Variants in MEMO1 observed in about 807,000 individuals in gnomAD.
MEMO1 encodes mediator of cell motility 1, also known as protein MEMO1.
A neutral mutation model predicts 45.2 loss-of-function variants in MEMO1; 6 were observed. The observed-to-expected ratio is 0.13, with a 90% CI of 0.07 to 0.26. The LOEUF (loss-of-function observed/expected upper bound fraction) is 0.26. Among genes scored for constraint, MEMO1 ranks in the 10% least tolerant of loss-of-function variants. The probability of loss-of-function intolerance (pLI) is 1.00; values close to 1 mark genes in which losing one functional copy is unlikely to be tolerated. For missense variants in MEMO1, 184 were observed against 370.5 expected, an observed-to-expected ratio of 0.50 and a Z score of 4.13; for synonymous variants, 78 against 124.3, an observed-to-expected ratio of 0.63 and a Z score of 2.48.
chr2:31,951,517 G>GT (rs201608134), intron 2 of MEMO1, among the ~76,000 whole-genome samples: 17,464 of 138,984 alleles, frequency 0.13, 1,084 homozygotes, highest in Middle Eastern at 0.21. Flanking sequence ...TCACTTAATG[G>GT]TTTTTTTTTT....
chr2:31,926,158 G>C (rs1484843766), intron 4 of MEMO1, among the ~76,000 whole-genome samples: 1 of 152,030 alleles, frequency 6.6e-6, no homozygotes, highest in Non-Finnish European at 1.5e-5. Context: ...CTTGAGGCCA[G>C]GAGTTCAAGA....
intron 3 of MEMO1, among the ~76,000 whole-genome samples, chr2:31,940,813 G>GT (rs1665523331): frequency 6.6e-6 from 1 of 152,144 alleles, no homozygotes; most frequent in African/African-American, 2.4e-5. Context: ...GATTACAGGC[G>GT]TGAGTCACTG....
At chr2:31,921,630 CCTT>C (rs1378816693) in intron 4 of MEMO1, among the ~76,000 whole-genome samples, 2 of 152,196 alleles carry the variant, frequency 1.3e-5, no homozygotes, top group African/African-American at 4.8e-5. Context: ...TCTAAAATAA[CCTT>C]CTAAGATCCA....
Position 31,895,003 on chromosome 2 carries a change from T to C in MEMO1, c.438-2869A>G, listed in dbSNP as rs160795. Among the ~76,000 whole-genome samples the C allele has an allele frequency of 1.1e-3, 173 of 152,212 alleles. 1 individual carries two copies. The highest frequency in any genetic ancestry group is 4.1e-3 in the African/African-American group (169 of 41,534). On this transcript the variant is annotated intron_variant, in intron 6 of 9. Transcript: ENST00000404530. ...ATTAAGGAATTGCAGGTGGGAACCC[T>C]ACAAAGCCAAGCTTAAAATTAAAAA...
rs1158963654 is a variant in MEMO1, at chr2:31,955,608, C to CT, written c.62-12226dup. Among the ~76,000 whole-genome samples, 28 of 151,496 alleles carry CT rather than the reference C, an allele frequency of 1.8e-4. 1 individual carries two copies. The East Asian group carries it at 3.5e-3, about 19-fold the overall frequency. On this transcript the variant is annotated intron_variant, in intron 2 of 9. Transcript: ENST00000404530. Reference sequence around the variant, plus strand: ...AATTGAAAACTATCCATGTTTATTTCTTTTTTTTTCTTTTTTTGTGACAGA... The same window carrying CT: ...AATTGAAAACTATCCATGTTTATTTCTTTTTTTTTTCTTTTTTTGTGACAGA...
chr2:31,963,392 CCAAGAAG>C (rs1668251215), intron 2 of MEMO1: 1 of 1,063,358 alleles, frequency 9.4e-7, no homozygotes, highest in African/African-American at 1.6e-5. Context: ...GACTAATACT[CCAAGAAG>C]CAAGGAAAGC....
intron 2 of MEMO1, among the ~76,000 whole-genome samples, chr2:31,969,415 G>T (rs1669036740): frequency 8.2e-6 from 1 of 122,106 alleles, no homozygotes; most frequent in East Asian, 2.3e-4. Context: ...ATATATACAC[G>T]TATATATACA....
At chr2:31,953,253 G>C (rs922955440) in intron 2 of MEMO1, among the ~76,000 whole-genome samples, 3 of 150,906 alleles carry the variant, frequency 2.0e-5, no homozygotes, top group African/African-American at 4.9e-5. Context: ...TGTAATCCCA[G>C]CTACTCAGGA....
chr2:31,999,482 G>C (rs1242230758), intron 2 of MEMO1, among the ~76,000 whole-genome samples: 1 of 152,098 alleles, frequency 6.6e-6, no homozygotes, highest in African/African-American at 2.4e-5. Context: ...GAGCAATATA[G>C]TGAGACCCGC....
At chr2:31,972,766 C>A (rs1669561530) in intron 2 of MEMO1, among the ~76,000 whole-genome samples, 1 of 151,952 alleles carries the variant, frequency 6.6e-6, no homozygotes, top group South Asian at 2.1e-4. Flanking sequence ...AAATCACATA[C>A]AGGATTAATA....
At chr2:31,915,746 T>G (rs111967728) in intron 6 of MEMO1, among the ~76,000 whole-genome samples, 4 of 152,146 alleles carry the variant, frequency 2.6e-5, no homozygotes, top group Non-Finnish European at 5.9e-5. Flanking sequence ...GTAGCCCCAT[T>G]TGAGCCACCT....
chr2:31,933,352 T>TAAAAAAAAAAAAAAAAAAAA (rs1558514359), intron 3 of MEMO1, among the ~76,000 whole-genome samples: 2 of 12,218 alleles, frequency 1.6e-4, no homozygotes, highest in Non-Finnish European at 2.7e-4. Flanking sequence ...AAAAAAAATT[T>TAAAAAAAAAAAAAAAAAAAA]ATATATATAT....
At chr2:31,945,355 T>C (rs937775367) in intron 2 of MEMO1, among the ~76,000 whole-genome samples, 3 of 152,214 alleles carry the variant, frequency 2.0e-5, no homozygotes, top group Non-Finnish European at 4.4e-5. Context: ...TATGAACATA[T>C]GTTAACAGTT....
chr2:31,981,077 T>A (rs1156694015), intron 2 of MEMO1, among the ~76,000 whole-genome samples: 1 of 152,152 alleles, frequency 6.6e-6, no homozygotes, highest in Non-Finnish European at 1.5e-5. Flanking sequence ...TAACCTAATG[T>A]CAAAATAGTA....
chr2:31,956,012 G>A (rs1460540919), intron 2 of MEMO1, among the ~76,000 whole-genome samples: 1 of 152,144 alleles, frequency 6.6e-6, no homozygotes, highest in Non-Finnish European at 1.5e-5. Context: ...AAAGGGTCCA[G>A]TACTCTAGTG....
chr2:31,913,702 A>C (rs1472411722), intron 6 of MEMO1, among the ~76,000 whole-genome samples: 2 of 152,316 alleles, frequency 1.3e-5, no homozygotes, highest in East Asian at 3.9e-4. Flanking sequence ...TGCATAGCAG[A>C]TACGGTCAAG....
intron 2 of MEMO1, among the ~76,000 whole-genome samples, chr2:32,009,398 T>G (rs1674518121): frequency 7.0e-6 from 1 of 143,088 alleles, no homozygotes; most frequent in Non-Finnish European, 1.5e-5. Context: ...TTAGCAGTAC[T>G]TCCACCCCAG....
At chr2:31,955,457 C>T (rs1304901347) in intron 2 of MEMO1, among the ~76,000 whole-genome samples, 1 of 152,104 alleles carries the variant, frequency 6.6e-6, no homozygotes, top group Non-Finnish European at 1.5e-5. Context: ...TCCAGCTTTT[C>T]CAAATAACAC....
chr2:31,989,740 AT>A (rs1374164159), intron 2 of MEMO1, among the ~76,000 whole-genome samples: 1 of 152,116 alleles, frequency 6.6e-6, no homozygotes, highest in African/African-American at 2.4e-5. Context: ...CAATAAAATG[AT>A]TTTTTTTAAA....
Sources: gnomAD v4.1 joint callset for allele counts (sites outside exome capture counted in the v4.1 genomes callset) on GRCh38, gnomAD v4.1.1 for gene constraint, MANE v1.5 for transcripts, NCBI Gene and HGNC (gene_info 2026-07-23, HGNC 2026-07-21) for gene names.